The following CAP2 variants were observed in gnomAD, a reference collection of about 807,000 sequenced individuals.
The protein encoded by CAP2 is cyclase associated actin cytoskeleton regulatory protein 2.
In CAP2, 24 loss-of-function variants were observed where a neutral mutation model predicts 57.7. The observed-to-expected ratio is 0.42, with a 90% CI of 0.30 to 0.58. CAP2 has a LOEUF of 0.58. Ranked by LOEUF, CAP2 falls within the 20% of genes least tolerant of loss-of-function variation. The pLI, the probability that CAP2 is intolerant of heterozygous loss-of-function variation, is 0.22. For missense variants in CAP2, 501 were observed against 590.3 expected (o/e 0.85, Z 1.57); for synonymous variants, 194 against 207.2 (o/e 0.94, Z 0.55).
At chr6:17,402,470 T>G (rs563855313) in intron 1 of CAP2, among the ~76,000 whole-genome samples, 1 of 152,064 alleles carries the variant, frequency 6.6e-6, no homozygotes, top group Non-Finnish European at 1.5e-5. Context: ...TAAATCTATC[T>G]TAAAAAACAA....
chr6:17,436,472 TTTCG>T (rs1759891518), intron 3 of CAP2, among the ~76,000 whole-genome samples: 2 of 151,984 alleles, frequency 1.3e-5, no homozygotes, highest in African/African-American at 4.8e-5. Context: ...AAAGGGACTA[TTTCG>T]AAAGCTGTGA....
At chr6:17,407,394 G>A (rs74560243) in intron 1 of CAP2, among the ~76,000 whole-genome samples, 1,614 of 151,888 alleles carry the variant, frequency 0.011, 28 homozygotes, top group East Asian at 0.047. Flanking sequence ...CAGGAGGACC[G>A]CTTGAGCCCA....
At chr6:17,476,725 G>T (rs1761156870) in intron 4 of CAP2, among the ~76,000 whole-genome samples, 1 of 152,144 alleles carries the variant, frequency 6.6e-6, no homozygotes, top group East Asian at 1.9e-4. Flanking sequence ...GAGGAGAGAG[G>T]ATAGAGAAAG....
At chr6:17,479,850 C>T (rs1332679442) in intron 4 of CAP2, among the ~76,000 whole-genome samples, 1 of 151,820 alleles carries the variant, frequency 6.6e-6, no homozygotes, top group Non-Finnish European at 1.5e-5. Flanking sequence ...CTCCTGACCT[C>T]GTGATCCGCC....
At chr6:17,485,006 A>G (rs1445919499) in intron 4 of CAP2, among the ~76,000 whole-genome samples, 1 of 152,144 alleles carries the variant, frequency 6.6e-6, no homozygotes, top group Non-Finnish European at 1.5e-5. Context: ...CTCAAACACT[A>G]TTGTCCGATT....
At position 17,539,324 on chromosome 6, in the gene CAP2, T is replaced by C; in HGVS notation, c.692T>C (p.Leu231Pro). 1 of 1,613,998 alleles carries C rather than the reference T, an allele frequency of 6.2e-7. No individual in the cohort carries two copies. Among genetic ancestry groups the C allele is most frequent in the Non-Finnish European group, 8.5e-7 (1 of 1,179,882 alleles). ...TCTGTCCTCTCCTCTGGGCCTGGCC[T>C]TCCTCCACCCCCTCCTCCTCTGCCT... is the stretch of plus-strand genomic sequence containing the variant. ...AFSVLSSGPG[L>P]PPPPPPLPPP... Residue 231 changes from leucine to proline, a missense_variant, in exon 8 of 13, where the codon CTT becomes CCT. By Grantham distance (98) the Leu-to-Pro change is moderately conservative. Transcript: ENST00000229922.
intron 1 of CAP2, among the ~76,000 whole-genome samples, chr6:17,405,388 T>A (rs1334661665): frequency 1.3e-5 from 2 of 151,984 alleles, no homozygotes; most frequent in East Asian, 3.9e-4. Context: ...TCTCAAAATT[T>A]AAAAAAGTTT....
At chr6:17,411,600 T>C (rs899664304) in intron 1 of CAP2, among the ~76,000 whole-genome samples, 2 of 152,248 alleles carry the variant, frequency 1.3e-5, no homozygotes, top group African/African-American at 4.8e-5. Context: ...TCTGGGAAGA[T>C]GTCTATTTAG....
intron 3 of CAP2, among the ~76,000 whole-genome samples, chr6:17,430,923 A>G (rs1031294522): frequency 6.6e-6 from 1 of 152,186 alleles, no homozygotes; most frequent in Non-Finnish European, 1.5e-5. Flanking sequence ...TGATGTGACA[A>G]ATAGGAAGCA....
At chr6:17,454,380 A>C (rs1206610368) in intron 3 of CAP2, among the ~76,000 whole-genome samples, 1 of 152,210 alleles carries the variant, frequency 6.6e-6, no homozygotes, top group Non-Finnish European at 1.5e-5. Context: ...ATAAGAAATG[A>C]GAGCTCTTGA....
chr6:17,505,374 A>C (rs953598479), intron 4 of CAP2, among the ~76,000 whole-genome samples: 4 of 152,246 alleles, frequency 2.6e-5, no homozygotes, highest in Non-Finnish European at 4.4e-5. Flanking sequence ...TCCGTGGCAG[A>C]AATGACTGCC....
intron 11 of CAP2, among the ~76,000 whole-genome samples, chr6:17,544,128 AAAAAAAAAAG>A (rs938216594): frequency 1.3e-5 from 2 of 150,966 alleles, no homozygotes; most frequent in African/African-American, 4.8e-5. Flanking sequence ...CTGTCTCAAA[AAAAAAAAAAG>A]AAAAGAAAAA....
chr6:17,512,572 G>A (rs906588091), intron 6 of CAP2, among the ~76,000 whole-genome samples: 6 of 152,128 alleles, frequency 3.9e-5, no homozygotes, highest in African/African-American at 1.4e-4. Context: ...TGCTTCCTAT[G>A]TGCTAGGCAC....
At chr6:17,475,486 C>G (rs1279466312) in intron 4 of CAP2, among the ~76,000 whole-genome samples, 1 of 152,110 alleles carries the variant, frequency 6.6e-6, no homozygotes, top group African/African-American at 2.4e-5. Context: ...AGGTTTGTTT[C>G]TCTTACACCC....
chr6:17,398,957 C>T (rs532663688), intron 1 of CAP2, among the ~76,000 whole-genome samples: 28 of 152,222 alleles, frequency 1.8e-4, no homozygotes, highest in Non-Finnish European at 3.4e-4. Context: ...CTAAATATAA[C>T]TCTGGATTCT....
In CAP2 at chr6:17,531,240, C is replaced by T; in HGVS notation, c.637-8029C>T. 6.3e-6 allele frequency: 5 copies of T among 789,152 alleles called. No homozygotes were observed. In the East Asian group the frequency reaches 1.2e-4, roughly 19 times the overall value. The allele number at this position is 789,152 out of a possible 1,614,324, so 48.9% of individuals were successfully genotyped here. The stretch of plus-strand genomic sequence containing the variant: ...CCATGCAGTGTATGGCTCTACAATC[C>T]TCAGCATGTTAACTGAAGCCTTGTT... On this transcript the variant is annotated intron_variant, in intron 7 of 12. Transcript: ENST00000229922.
intron 7 of CAP2, among the ~76,000 whole-genome samples, chr6:17,535,645 T>TA (rs898143992): frequency 6.6e-6 from 1 of 151,998 alleles, no homozygotes; most frequent in African/African-American, 2.4e-5. Flanking sequence ...ATCAAGGAGA[T>TA]ATGTGATTCA....
At chr6:17,520,187 A>G (rs960857913) in intron 7 of CAP2, among the ~76,000 whole-genome samples, 1 of 152,142 alleles carries the variant, frequency 6.6e-6, no homozygotes. Flanking sequence ...AGCTCACTGC[A>G]GCCTTGACCT....
At chr6:17,420,500 T>C (rs951788958) in intron 1 of CAP2, among the ~76,000 whole-genome samples, 7 of 152,242 alleles carry the variant, frequency 4.6e-5, no homozygotes, top group Non-Finnish European at 1.0e-4. Flanking sequence ...ATAAACTCAG[T>C]TCTCCTGGGC....
Sources: gnomAD v4.1 joint callset for allele counts (sites outside exome capture counted in the v4.1 genomes callset) on GRCh38, gnomAD v4.1.1 for gene constraint, MANE v1.5 for transcripts, NCBI Gene and HGNC (gene_info 2026-07-23, HGNC 2026-07-21) for gene names.